LONRF3: variants seen among roughly 807,000 people sequenced by gnomAD.
LONRF3 encodes the protein LON peptidase N-terminal domain and RING finger protein 3.
LONRF3 carries 19 observed loss-of-function variants against 51.7 expected under a neutral mutation model. The observed-to-expected ratio is 0.37, with a 90% CI of 0.26 to 0.54. The LOEUF is 0.54. LONRF3 is among the 20% of genes least tolerant of loss of function. The probability of loss-of-function intolerance (pLI) is 0.86; values close to 1 mark genes in which losing one functional copy is unlikely to be tolerated. For missense variants in LONRF3, 521 were observed against 623.9 expected (o/e 0.84, Z 1.76); for synonymous variants, 265 against 257.8 (o/e 1.03, Z -0.27).
At chrX:118,991,157 A>T (rs1040321849) in intron 5 of LONRF3, among the ~76,000 whole-genome samples, 1 of 111,527 alleles carries the variant, frequency 9.0e-6, no homozygotes, top group Non-Finnish European at 1.9e-5. Context: ...CAGTCTGAAT[A>T]TGTCTTTTGT....
At chrX:118,978,534 C>T in intron 2 of LONRF3, 71 bp downstream of exon 2, 1 of 685,817 alleles carries the variant, frequency 1.5e-6, no homozygotes, top group Non-Finnish European at 2.3e-6. Flanking sequence ...GGCTGCCTCC[C>T]TGGAGCATAG....
chrX:118,990,043 C>A lies in LONRF3; in HGVS notation c.1324+371C>A, dbSNP rs775223434. Among the ~76,000 whole-genome samples the A allele has an allele frequency of 4.5e-5, 5 of 112,056 alleles. No individual in the cohort carries two copies. In the East Asian group the frequency reaches 1.4e-3, roughly 32 times the overall value. ...ATGAGGAAAGTGAGGTCAGGCCTCA[C>A]CCTGCTCATTCCCAGTTGTGTTCCC... On this transcript the variant is annotated intron_variant, in intron 4 of 10. Coordinates refer to ENST00000371628, the MANE Select transcript of LONRF3 (RefSeq NM_001031855.3).
At chrX:119,002,158 G>C (rs763793262) in intron 5 of LONRF3, among the ~76,000 whole-genome samples, 3 of 112,314 alleles carry the variant, frequency 2.7e-5, no homozygotes, top group African/African-American at 9.7e-5. Flanking sequence ...AAATATTGTA[G>C]AGAAGATACT....
At chrX:118,981,838 C>CA (rs1386638381) in intron 2 of LONRF3, among the ~76,000 whole-genome samples, 1 of 112,068 alleles carries the variant, frequency 8.9e-6, no homozygotes, top group Non-Finnish European at 1.9e-5. Context: ...GAAAGGGGGG[C>CA]AGGGGAGTAT....
intron 7 of LONRF3, 86 bp from the exon 8 acceptor site, chrX:119,011,729 A>G: frequency 2.0e-6 from 2 of 997,975 alleles, no homozygotes; most frequent in Non-Finnish European, 2.8e-6. Context: ...GCCTTCCCCC[A>G]GGGGTATCAC....
At chrX:118,987,225 C>T in intron 3 of LONRF3, 1 of 459,428 alleles carries the variant, frequency 2.2e-6, no homozygotes, top group Non-Finnish European at 3.6e-6. Flanking sequence ...TTGCAAAGAA[C>T]CTCTTAAAGA....
At chrX:118,988,350 A>G (rs530594420) in intron 3 of LONRF3, among the ~76,000 whole-genome samples, 2 of 111,896 alleles carry the variant, frequency 1.8e-5, no homozygotes, top group Admixed American at 9.4e-5. Flanking sequence ...TGGCTTTCCA[A>G]TGTCAACCAG....
chrX:118,990,473 C>T lies in LONRF3; in HGVS notation c.1328C>T (p.Pro443Leu). 1 of 1,205,579 alleles carries T rather than the reference C, an allele frequency of 8.3e-7. No individual in the cohort carries two copies. The highest frequency in any genetic ancestry group is 1.1e-6 in the Non-Finnish European group (1 of 889,962). The change falls in exon 5 of 11, where the codon CCT (proline) becomes CTT (leucine). Residue 443 changes from proline (P) to leucine (L), a missense_variant. This residue lies in a region of LONRF3 where 376 missense variants were observed against 376.7 expected (regional missense o/e 1.00). Coordinates refer to ENST00000371628, the MANE Select transcript of LONRF3 (RefSeq NM_001031855.3). ...CTTCTTGCTTTCTAAATCGCAGATC[C>T]TCCCACTGATCAGGGGGACAAACCT... ...GMPNKASKQD[P>L]PTDQGDKPAL...
chrX:118,986,518 C>T (rs1174428325), intron 3 of LONRF3, among the ~76,000 whole-genome samples: 1 of 112,008 alleles, frequency 8.9e-6, no homozygotes, highest in East Asian at 2.8e-4. Context: ...TGAGGTTTCT[C>T]TCCTGACTTT....
chrX:119,006,306 A>G, intron 6 of LONRF3, 71 bp downstream of exon 6: 1 of 785,445 alleles, frequency 1.3e-6, no homozygotes, highest in South Asian at 2.8e-5. Context: ...TTTATTTGGA[A>G]TTGGGCACTA....
chrX:118,977,255 G>A (rs752576490), intron 1 of LONRF3, among the ~76,000 whole-genome samples: 2 of 111,122 alleles, frequency 1.8e-5, no homozygotes, highest in East Asian at 2.8e-4. Flanking sequence ...AATGAGGCAG[G>A]TGGAGGTCAC....
At chrX:118,979,337 A>G (rs1922372969) in intron 2 of LONRF3, among the ~76,000 whole-genome samples, 1 of 103,985 alleles carries the variant, frequency 9.6e-6, no homozygotes, top group Non-Finnish European at 1.9e-5. Context: ...TCTGCCACTC[A>G]CACTGGAGTG....
intron 3 of LONRF3, among the ~76,000 whole-genome samples, chrX:118,984,801 G>A (rs979861523): frequency 4.5e-5 from 5 of 112,146 alleles, no homozygotes; most frequent in South Asian, 3.7e-4. Flanking sequence ...AGGCCATGGC[G>A]GCGATTCAGA....
At chrX:118,993,129 C>CA (rs149218778) in intron 5 of LONRF3, among the ~76,000 whole-genome samples, 50,815 of 108,523 alleles carry the variant, frequency 0.47, 9,659 homozygotes, top group African/African-American at 0.69. Context: ...CACCCCCCCC[C>CA]AAAAACCACA....
intron 6 of LONRF3, among the ~76,000 whole-genome samples, chrX:119,008,013 C>T: frequency 8.9e-6 from 1 of 111,819 alleles, no homozygotes; most frequent in East Asian, 2.8e-4. Flanking sequence ...CTGACTACCT[C>T]CTCAGTCAAT....
At position 118,974,980 on chromosome X, in the gene LONRF3, G is replaced by A. The variant is rs1464876632; in HGVS notation, c.200G>A (p.Ser67Asn). Reference sequence around the variant, plus strand: ...TCTCCGGGGACCTCAACGCCGGAGAGCAAAGTCCTGCTCACGCAGGCAGAC... The same window carrying A: ...TCTCCGGGGACCTCAACGCCGGAGAACAAAGTCCTGCTCACGCAGGCAGAC... Reference protein sequence around the residue: ...EQSPGTSTPESKVLLTQADAL... With the variant: ...EQSPGTSTPENKVLLTQADAL... The change falls in exon 1 of 11, where the codon AGC (serine) becomes AAC (asparagine). Residue 67 changes from serine (S) to asparagine (N), a missense_variant. Around this residue, in one of 2 missense-constraint regions of LONRF3, gnomAD observed 376 missense variants for 376.7 expected, o/e 1.00. Transcript: ENST00000371628. The A allele has an allele frequency of 8.5e-7, 1 of 1,173,926 alleles. No homozygotes were observed. The highest frequency in any genetic ancestry group is 1.1e-6 in the Non-Finnish European group (1 of 876,772).
chrX:118,979,663 G>A (rs1922405527), intron 2 of LONRF3, among the ~76,000 whole-genome samples: 1 of 111,859 alleles, frequency 8.9e-6, no homozygotes, highest in African/African-American at 3.3e-5. Flanking sequence ...GAGTGGTGTT[G>A]CTGCCCTGGT....
intron 5 of LONRF3, among the ~76,000 whole-genome samples, chrX:119,001,279 G>T (rs1329589772): frequency 8.9e-6 from 1 of 111,777 alleles, no homozygotes; most frequent in South Asian, 3.8e-4. Flanking sequence ...GTAGATGGAT[G>T]ATGTCTATTT....
In LONRF3 at chrX:118,975,487, T is replaced by C; in HGVS notation, c.707T>C (p.Leu236Ser). 1 of 1,202,878 alleles carries C rather than the reference T, an allele frequency of 8.3e-7. No homozygotes were observed. The highest frequency in any genetic ancestry group is 1.1e-6 in the Non-Finnish European group (1 of 891,923). ...NVVLSGLLGK[L>S]FPGPARASQL... ...GTGCTCAGCGGCCTCCTCGGCAAGT[T>C]GTTTCCAGGCCCAGCGCGAGCGTCG... Residue 236 changes from leucine (L) to serine (S), a missense_variant, in exon 1 of 11, where the codon TTG (leucine) becomes TCG (serine). Physicochemically the swap from Leu to Ser is moderately radical, Grantham distance 145. Transcript: ENST00000371628.
Sources: gnomAD v4.1 joint callset for allele counts (sites outside exome capture counted in the v4.1 genomes callset) on GRCh38, gnomAD v4.1.1 for gene constraint, gnomAD v4.1.1 regional missense constraint, MANE v1.5 for transcripts, NCBI Gene and HGNC (gene_info 2026-07-23, HGNC 2026-07-21) for gene names.